WDR47: variants seen among roughly 807,000 people sequenced by gnomAD.
WDR47 encodes the protein WD repeat domain 47, also known as WD repeat-containing protein 47.
A neutral mutation model predicts 97.2 loss-of-function variants in WDR47; 32 were observed. The ratio of observed to expected loss-of-function variants is 0.33; its 90% CI spans 0.25 to 0.44. The LOEUF (loss-of-function observed/expected upper bound fraction) is 0.44. Among genes scored for constraint, WDR47 ranks in the 20% least tolerant of loss-of-function variants. The probability of loss-of-function intolerance (pLI) is 1.00; values close to 1 mark genes in which losing one functional copy is unlikely to be tolerated. For missense variants in WDR47, 782 were observed against 1,102.3 expected (o/e 0.71, Z 4.11); for synonymous variants, 375 against 373.5 (o/e 1.00, Z -0.05).
At chr1:109,040,002 C>A (rs1180646787) in intron 1 of WDR47, among the ~76,000 whole-genome samples, 1 of 146,026 alleles carries the variant, frequency 6.8e-6, no homozygotes, top group African/African-American at 2.6e-5. Flanking sequence ...TGCCACTGAA[C>A]TCCAGCCTGG....
intron 14 of WDR47, 64 bp downstream of exon 14, chr1:108,974,472 C>A: frequency 7.3e-7 from 1 of 1,377,550 alleles, no homozygotes; most frequent in Non-Finnish European, 1.0e-6. Flanking sequence ...ATCACATTAA[C>A]AAAAAAATAA....
chr1:109,033,353 G>C (rs1662729768), intron 1 of WDR47, among the ~76,000 whole-genome samples: 1 of 152,020 alleles, frequency 6.6e-6, no homozygotes, highest in South Asian at 2.1e-4. Flanking sequence ...CATATAAATA[G>C]CATCTTCAAA....
intron 1 of WDR47, among the ~76,000 whole-genome samples, chr1:109,030,612 C>CAGAAAAGGTAAAGAA (rs1274932788): frequency 7.0e-6 from 1 of 142,048 alleles, no homozygotes; most frequent in African/African-American, 2.5e-5. Context: ...CTTTAATCTT[C>CAGAAAAGGTAAAGAA]CAAGTATTAC....
chr1:109,026,886 T>C (rs1395509556), intron 1 of WDR47, among the ~76,000 whole-genome samples: 1 of 152,178 alleles, frequency 6.6e-6, no homozygotes, highest in Non-Finnish European at 1.5e-5. Context: ...GAGAACTACA[T>C]TCTTACAAAT....
chr1:109,027,828 A>G (rs1209603859), intron 1 of WDR47, among the ~76,000 whole-genome samples: 2 of 152,058 alleles, frequency 1.3e-5, no homozygotes, highest in South Asian at 4.1e-4. Flanking sequence ...AGCTATATAC[A>G]TATTTTAAAC....
chr1:109,026,943 T>A (rs186279220), intron 1 of WDR47, among the ~76,000 whole-genome samples: 1 of 152,086 alleles, frequency 6.6e-6, no homozygotes, highest in Non-Finnish European at 1.5e-5. Flanking sequence ...TATGTCCTAA[T>A]TAACTTAAAA....
intron 1 of WDR47, chr1:109,030,103 A>G (rs1662516390): frequency 1.0e-6 from 1 of 1,001,988 alleles, no homozygotes; most frequent in Non-Finnish European, 1.4e-6. Context: ...CCCTCCCCAG[A>G]AGAAGAGAAG....
chr1:108,971,701 G>T (rs1030401856), intron 14 of WDR47, 129 bp from the exon 15 acceptor site: 7 of 989,028 alleles, frequency 7.1e-6, no homozygotes, highest in African/African-American at 6.6e-5. Context: ...TACATTGAAA[G>T]GTTTATACAG....
At chr1:108,975,687 A>G (rs1657836117) in intron 13 of WDR47, among the ~76,000 whole-genome samples, 1 of 152,002 alleles carries the variant, frequency 6.6e-6, no homozygotes, top group Non-Finnish European at 1.5e-5. Flanking sequence ...ATTAAAAAAA[A>G]AAAAGTTTGA....
At chr1:108,984,694 A>G (rs1254594422) in intron 10 of WDR47, among the ~76,000 whole-genome samples, 1 of 152,140 alleles carries the variant, frequency 6.6e-6, no homozygotes, top group Non-Finnish European at 1.5e-5. Context: ...CCTGGCCAAC[A>G]TGGTGAAACC....
intron 13 of WDR47, among the ~76,000 whole-genome samples, chr1:108,980,286 A>G (rs971011067): frequency 6.6e-6 from 1 of 152,194 alleles, no homozygotes. Context: ...GTAAAACATC[A>G]TATCTGGTTT....
Position 108,991,329 on chromosome 1 carries a change from G to C in WDR47, c.1692C>G (p.Ile564Met), listed in dbSNP as rs1659334969. The change falls in exon 9 of 15, where the codon ATC becomes ATG. Residue 564 changes from isoleucine (I) to methionine (M), a missense_variant and splice_region_variant. By Grantham distance (10) the Ile-to-Met change is conservative. Around this residue, in one of 3 missense-constraint regions of WDR47, gnomAD observed 126 missense variants for 121.3 expected, o/e 1.04. Coordinates refer to ENST00000369962, the MANE Select transcript of WDR47 (RefSeq NM_001142551.2). ...GCTTAATGACCGAATGTTCTGAAGA[G>C]CTGTGGGAGTAGAAATTCAAGTAAA... ...FLEESPCGSQISSEHSVIKPP... is the reference protein window; with the variant it reads ...FLEESPCGSQMSSEHSVIKPP... 1 of 1,608,448 alleles carries C rather than the reference G, an allele frequency of 6.2e-7. No individual in the cohort carries two copies. The highest frequency in any genetic ancestry group is 8.5e-7 in the Non-Finnish European group (1 of 1,176,366).
In WDR47 at chr1:108,995,596, G is replaced by A; in HGVS notation, c.1675C>T (p.Pro559Ser). Reference protein sequence around the residue: ...TNHIPFLEESPCGSQISSEHS... With the variant: ...TNHIPFLEESSCGSQISSEHS... ...AGCACTTACATTTGGCTTCCACAAG[G>A]TGATTCCTCCAGAAAAGGTATGTGA... The change falls in exon 8 of 15, where the codon CCT becomes TCT. Residue 559 changes from proline (P) to serine (S), a missense_variant. Pro to Ser is a moderately conservative substitution (Grantham distance 74, BLOSUM62 -1). Transcript: ENST00000369962. The A allele has an allele frequency of 6.2e-7, 1 of 1,614,078 alleles. No homozygotes were observed. Among genetic ancestry groups the A allele is most frequent in the Non-Finnish European group, 8.5e-7 (1 of 1,179,964 alleles).
At chr1:108,975,529 G>A (rs1168132997) in intron 13 of WDR47, among the ~76,000 whole-genome samples, 3 of 151,354 alleles carry the variant, frequency 2.0e-5, no homozygotes, top group Non-Finnish European at 4.4e-5. Context: ...GCTGAGGCAG[G>A]AGAATCGCTT....
intron 9 of WDR47, among the ~76,000 whole-genome samples, chr1:108,988,621 G>A (rs1393626109): frequency 6.6e-6 from 1 of 151,970 alleles, no homozygotes; most frequent in Non-Finnish European, 1.5e-5. Context: ...GGTCAAAGCT[G>A]CAGTGAGCTG....
chr1:108,995,967 A>G, intron 7 of WDR47, 130 bp from the exon 8 acceptor site: 1 of 915,050 alleles, frequency 1.1e-6, no homozygotes, highest in Admixed American at 2.9e-5. Flanking sequence ...ATTTAGTGTT[A>G]AAAATTACCA....
At chr1:108,978,773 C>T (rs1658121031) in intron 13 of WDR47, among the ~76,000 whole-genome samples, 1 of 152,128 alleles carries the variant, frequency 6.6e-6, no homozygotes, top group South Asian at 2.1e-4. Flanking sequence ...TTGCATGACA[C>T]TGAGAGCTGA....
chr1:109,040,253 G>A (rs1211738379), intron 1 of WDR47, among the ~76,000 whole-genome samples: 1 of 152,088 alleles, frequency 6.6e-6, no homozygotes, highest in Non-Finnish European at 1.5e-5. Context: ...GATCTACTAA[G>A]GAAAACTGCA....
chr1:109,032,053 G>T lies in WDR47; in HGVS notation c.-9-8532C>A, dbSNP rs1571258353. The stretch of plus-strand genomic sequence containing the variant: ...AGGCTACAGATATCTGCCAGCCTCA[G>T]CCTCCTAAAGTGCTGAGAACGCAGG... On this transcript the variant is annotated intron_variant, in intron 1 of 14. Coordinates refer to ENST00000369962, the MANE Select transcript of WDR47 (RefSeq NM_001142551.2). 1.4e-5 allele frequency among the ~76,000 whole-genome samples: 2 copies of T among 138,158 alleles called. 1 individual carries two copies. The highest frequency in any genetic ancestry group is 4.3e-4 in the East Asian group (2 of 4,638). The allele number at this position is 138,158 out of a possible 152,430, so 90.6% of individuals were successfully genotyped here.
Sources: allele counts gnomAD v4.1 joint callset (sites outside exome capture counted in the v4.1 genomes callset), GRCh38; gene constraint gnomAD v4.1.1; regional missense constraint gnomAD v4.1.1; transcripts MANE v1.5; gene names NCBI Gene and HGNC (gene_info 2026-07-23, HGNC 2026-07-21).